Variants in RGS6 observed in about 807,000 individuals in gnomAD.
RGS6 encodes the protein regulator of G-protein signaling 6.
RGS6 carries 30 observed loss-of-function variants against 78.5 expected under a neutral mutation model. That is an observed-to-expected ratio of 0.38 (90% confidence interval 0.29 to 0.52). The LOEUF (loss-of-function observed/expected upper bound fraction) is 0.52. RGS6 is among the 20% of genes least tolerant of loss of function. The pLI is 0.85. For missense variants in RGS6, 495 were observed against 609.7 expected (o/e 0.81, Z 1.98); for synonymous variants, 206 against 206.0 (o/e 1.00, Z 0.00).
chr14:72,226,023 T>C (rs2048046616), intron 2 of RGS6, among the ~76,000 whole-genome samples: 1 of 152,332 alleles, frequency 6.6e-6, no homozygotes, highest in African/African-American at 2.4e-5. Context: ...CTTTGTAGCA[T>C]CCAGTTTTCT....
At chr14:72,439,530 C>T (rs2095094328) in intron 3 of RGS6, among the ~76,000 whole-genome samples, 1 of 152,218 alleles carries the variant, frequency 6.6e-6, no homozygotes, top group Non-Finnish European at 1.5e-5. Flanking sequence ...TCTTTGGAAG[C>T]AAAGTGTGCC....
chr14:72,022,407 T>TC (rs1055870409), intron 2 of RGS6: 1 of 152,194 alleles, frequency 6.6e-6, no homozygotes, highest in Non-Finnish European at 1.5e-5. Context: ...AAGTTTTTTT[T>TC]CAAGACTAGT....
chr14:72,221,697 G>A (rs1431140561), intron 2 of RGS6, among the ~76,000 whole-genome samples: 3 of 152,036 alleles, frequency 2.0e-5, no homozygotes, highest in Non-Finnish European at 4.4e-5. Flanking sequence ...CAAAAATGTA[G>A]CAAAGACATA....
At chr14:72,173,262 G>T (rs1413965270) in intron 2 of RGS6, among the ~76,000 whole-genome samples, 5 of 152,068 alleles carry the variant, frequency 3.3e-5, no homozygotes, top group African/African-American at 1.2e-4. Flanking sequence ...GTACAGGGCA[G>T]CTGCCCACAA....
At chr14:72,072,493 CA>C (rs1417051869) in intron 2 of RGS6, among the ~76,000 whole-genome samples, 2 of 151,816 alleles carry the variant, frequency 1.3e-5, no homozygotes, top group African/African-American at 4.8e-5. Context: ...ATTTTTAGTA[CA>C]GACGGGGTAT....
At chr14:72,123,963 C>G (rs757073173) in intron 2 of RGS6, among the ~76,000 whole-genome samples, 1 of 152,114 alleles carries the variant, frequency 6.6e-6, no homozygotes, top group South Asian at 2.1e-4. Flanking sequence ...CAGTAATGAC[C>G]TAAATGACCT....
At chr14:72,026,204 C>T (rs993447363) in intron 2 of RGS6, among the ~76,000 whole-genome samples, 3 of 151,586 alleles carry the variant, frequency 2.0e-5, no homozygotes, top group African/African-American at 4.9e-5. Context: ...GTCAGGAGTT[C>T]GAGACTAGCC....
chr14:71,921,752 A>G, the RGS6 span, among the ~76,000 whole-genome samples: 4 of 152,242 alleles, frequency 2.6e-5, no homozygotes, highest in East Asian at 1.9e-4. Context: ...ACAAAGTTTC[A>G]GTTATACAGA....
At chr14:72,041,994 C>T (rs560009443) in intron 2 of RGS6, among the ~76,000 whole-genome samples, 78 of 152,004 alleles carry the variant, frequency 5.1e-4, no homozygotes, top group African/African-American at 1.1e-3. Context: ...TAAAATGGTG[C>T]TAGAATAGAG....
intron 3 of RGS6, among the ~76,000 whole-genome samples, chr14:72,374,520 TA>T (rs1479721792): frequency 6.6e-6 from 1 of 152,178 alleles, no homozygotes; most frequent in Non-Finnish European, 1.5e-5. Flanking sequence ...TATGCAGCCA[TA>T]AAAAATTTAA....
chr14:72,122,082 C>A (rs2096065672), intron 2 of RGS6, among the ~76,000 whole-genome samples: 2 of 152,156 alleles, frequency 1.3e-5, no homozygotes, highest in Admixed American at 1.3e-4. Flanking sequence ...AAGCCCTTCT[C>A]TAGATTATAC....
chr14:72,284,204 C>G (rs1030733255), intron 2 of RGS6, among the ~76,000 whole-genome samples: 2 of 152,154 alleles, frequency 1.3e-5, no homozygotes, highest in African/African-American at 4.8e-5. Flanking sequence ...GTAGAAAAAC[C>G]CATTTTCTGA....
At position 72,562,427 on chromosome 14, in the gene RGS6, T is replaced by C. The variant is rs2097688325; in HGVS notation, c.1433T>C (p.Leu478Pro). The C allele has an allele frequency of 1.9e-6, 3 of 1,612,970 alleles. No homozygotes were observed. Among genetic ancestry groups the C allele is most frequent in the African/African-American group, 1.3e-5 (1 of 75,070 alleles). Reference sequence around the variant, plus strand: ...GCTGTCTCTCTGCAGGGAAAGTCGCTGGCGGGCAAGCGCCTCACGGGCCTG... The same window carrying C: ...GCTGTCTCTCTGCAGGGAAAGTCGCCGGCGGGCAAGCGCCTCACGGGCCTG... ...EKFTRSVGKS[L>P]AGKRLTGLMQ... is the part of the protein sequence containing the mutation. The change falls in exon 18 of 18, where the codon CTG becomes CCG. Residue 478 changes from leucine (L) to proline (P), a missense_variant. Leu to Pro is a moderately conservative substitution (Grantham distance 98, BLOSUM62 -3). Coordinates refer to ENST00000553525, the MANE Select transcript of RGS6 (RefSeq NM_001204424.2).
Position 72,563,041 on chromosome 14 carries a change from C to T in RGS6, c.*574C>T, listed in dbSNP as rs1340713916. ...GCTTTCACGTAAAATGTCCAAATCA[C>T]ATCTTCAGCAAGAAAGCAACCTCAC... On this transcript the variant is annotated 3_prime_UTR_variant, in exon 18 of 18. Transcript: ENST00000553525. 1 of 491,342 alleles carries T rather than the reference C, an allele frequency of 2.0e-6. No homozygotes were observed. The allele number at this position is 491,342 out of a possible 1,614,324, so 30.4% of individuals were successfully genotyped here. A position where few individuals can be genotyped will look rare whatever the true frequency, so the allele number is the denominator to read the frequency against.
chr14:72,004,441 G>A (rs1009412542), intron 2 of RGS6, among the ~76,000 whole-genome samples: 3 of 152,156 alleles, frequency 2.0e-5, no homozygotes, highest in Admixed American at 2.0e-4. Context: ...AGTCTTAATA[G>A]CAACTGAAAG....
chr14:72,175,439 G>A (rs1194879475), intron 2 of RGS6, among the ~76,000 whole-genome samples: 3 of 152,146 alleles, frequency 2.0e-5, no homozygotes, highest in Non-Finnish European at 4.4e-5. Flanking sequence ...TATCTATACT[G>A]ACTTGTTTTC....
chr14:72,577,132 A>T, the RGS6 span, among the ~76,000 whole-genome samples: 106 of 152,306 alleles, frequency 7.0e-4, 2 homozygotes, highest in East Asian at 0.014. Flanking sequence ...CAGGTATATT[A>T]TTTGCCAACA....
the RGS6 span, among the ~76,000 whole-genome samples, chr14:71,890,976 T>G: frequency 1 from 152,272 of 152,290 alleles, 76,127 homozygotes; most frequent in Non-Finnish European, 1. Flanking sequence ...AAACAGATTC[T>G]AGAGTGAAGG....
chr14:72,573,607 G>C, the RGS6 span, among the ~76,000 whole-genome samples: 1 of 152,160 alleles, frequency 6.6e-6, no homozygotes, highest in Non-Finnish European at 1.5e-5. Flanking sequence ...TTGAAGTCCA[G>C]AATAGATAAA....
Sources: gnomAD v4.1 joint callset for allele counts (sites outside exome capture counted in the v4.1 genomes callset) on GRCh38, gnomAD v4.1.1 for gene constraint, MANE v1.5 for transcripts, NCBI Gene and HGNC (gene_info 2026-07-23, HGNC 2026-07-21) for gene names.